Variants in EYS observed in about 807,000 individuals in gnomAD.
EYS encodes protein eyes shut homolog.
Under a neutral mutation model 282.1 loss-of-function variants are expected in EYS, and 250 were observed. The observed-to-expected ratio is 0.89, with a 90% confidence interval of 0.80 to 0.98. EYS has a LOEUF of 0.98. Ranked by LOEUF, EYS falls within the 50% of genes least tolerant of loss-of-function variation. EYS has a pLI of 0.00. For synonymous variants in EYS, 1,355 were observed against 1,282.9 expected (o/e 1.06, Z -1.20); for missense variants, 4,016 against 3,709.0 (o/e 1.08, Z -2.15).
chr6:65,183,076 G>T (rs961646982), intron 12 of EYS, among the ~76,000 whole-genome samples: 3 of 151,822 alleles, frequency 2.0e-5, no homozygotes, highest in African/African-American at 7.3e-5. Flanking sequence ...CAAGCAAGTG[G>T]CACTGTGCCC....
chr6:64,069,104 C>A (rs544551210), intron 32 of EYS, among the ~76,000 whole-genome samples: 2 of 151,970 alleles, frequency 1.3e-5, no homozygotes, highest in African/African-American at 2.4e-5. Flanking sequence ...GGAATGGATT[C>A]TCTGAAGCTT....
At chr6:65,041,103 C>G (rs552046102) in intron 13 of EYS, among the ~76,000 whole-genome samples, 1 of 151,616 alleles carries the variant, frequency 6.6e-6, no homozygotes, top group African/African-American at 2.4e-5. Context: ...AAATTTAAGA[C>G]GAGTTATCTG....
intron 12 of EYS, among the ~76,000 whole-genome samples, chr6:65,256,417 G>A (rs1372017445): frequency 2.8e-5 from 3 of 108,078 alleles, no homozygotes; most frequent in East Asian, 3.2e-4. Flanking sequence ...TATCCCTCCC[G>A]CCTCCCCCCT....
intron 26 of EYS, among the ~76,000 whole-genome samples, chr6:64,506,396 A>G (rs1777206211): frequency 6.6e-6 from 1 of 152,256 alleles, no homozygotes. Context: ...TAGCTTAATG[A>G]TAACACTGAG....
intron 22 of EYS, among the ~76,000 whole-genome samples, chr6:64,645,790 C>G (rs1768330882): frequency 6.6e-6 from 1 of 151,972 alleles, no homozygotes; most frequent in Non-Finnish European, 1.5e-5. Flanking sequence ...TTTTAGTTCT[C>G]TTTTATTGCT....
At chr6:64,051,612 A>G (rs1770812735) in intron 33 of EYS, among the ~76,000 whole-genome samples, 1 of 152,130 alleles carries the variant, frequency 6.6e-6, no homozygotes, top group Admixed American at 6.6e-5. Flanking sequence ...TTTTAAAATT[A>G]AGATTCTGTG....
intron 31 of EYS, among the ~76,000 whole-genome samples, chr6:64,225,567 C>T (rs1766229439): frequency 6.6e-6 from 1 of 151,804 alleles, no homozygotes. Flanking sequence ...GGATCATGAG[C>T]CAAAAGATGC....
chr6:65,302,346 C>T (rs1482410485), intron 11 of EYS, among the ~76,000 whole-genome samples: 1 of 152,206 alleles, frequency 6.6e-6, no homozygotes, highest in Admixed American at 6.5e-5. Flanking sequence ...AGTGAAGACA[C>T]AGACGTTCCT....
chr6:63,941,749 CCCCTTACCTATACAGCTGCTAAGCT>C (rs1289593867), intron 35 of EYS, among the ~76,000 whole-genome samples: 35 of 152,236 alleles, frequency 2.3e-4, no homozygotes, highest in Admixed American at 6.5e-4. Context: ...GATCGGGACT[CCCCTTACCTATACAGCTGCTAAGCT>C]CCCTTACCTA....
intron 2 of EYS, among the ~76,000 whole-genome samples, chr6:65,609,422 T>C (rs1765916607): frequency 6.6e-6 from 1 of 152,004 alleles, no homozygotes; most frequent in African/African-American, 2.4e-5. Context: ...AAATAGAGAA[T>C]GTACCCTTGT....
intron 21 of EYS, among the ~76,000 whole-genome samples, chr6:64,817,521 T>C (rs897965305): frequency 2.0e-5 from 3 of 152,184 alleles, no homozygotes; most frequent in Non-Finnish European, 2.9e-5. Context: ...AGGGGATACA[T>C]GTGCAGCCTT....
intron 2 of EYS, among the ~76,000 whole-genome samples, chr6:65,552,497 AT>A (rs953672997): frequency 4.6e-5 from 7 of 151,650 alleles, no homozygotes; most frequent in South Asian, 2.1e-4. Flanking sequence ...TTAAACTGCA[AT>A]TTTTTTTTCA....
chr6:65,229,601 G>A (rs1402900760), intron 12 of EYS, among the ~76,000 whole-genome samples: 1 of 151,928 alleles, frequency 6.6e-6, no homozygotes, highest in Non-Finnish European at 1.5e-5. Flanking sequence ...GAAGACAAGA[G>A]TGCAGATGGG....
intron 31 of EYS, among the ~76,000 whole-genome samples, chr6:64,186,578 A>G (rs544841983): frequency 2.6e-5 from 4 of 152,210 alleles, no homozygotes; most frequent in South Asian, 4.1e-4. Context: ...AAAGAATATC[A>G]CCAGGACTAA....
intron 35 of EYS, among the ~76,000 whole-genome samples, chr6:63,890,823 C>T (rs866824695): frequency 1.8e-4 from 28 of 151,720 alleles, no homozygotes; most frequent in African/African-American, 6.5e-4. Flanking sequence ...TTTTTGAAAA[C>T]ATTAACAAAA....
chr6:63,765,020 C>A (rs1297766225), intron 40 of EYS, among the ~76,000 whole-genome samples: 2 of 151,392 alleles, frequency 1.3e-5, no homozygotes, highest in African/African-American at 4.9e-5. Context: ...TATTTCTTCC[C>A]TTAACCACAT....
At chr6:64,761,848 C>A (rs1773170845) in intron 22 of EYS, among the ~76,000 whole-genome samples, 1 of 152,088 alleles carries the variant, frequency 6.6e-6, no homozygotes, top group Non-Finnish European at 1.5e-5. Flanking sequence ...ATCACTTTCC[C>A]CATGTATAAT....
At chr6:64,133,819 A>G (rs1175558901) in intron 31 of EYS, among the ~76,000 whole-genome samples, 2 of 149,734 alleles carry the variant, frequency 1.3e-5, no homozygotes, top group African/African-American at 2.5e-5. Context: ...GGGTTTCCCT[A>G]TTTTCCTGGA....
At chr6:64,082,650 G>A (rs1180923699) in intron 31 of EYS, among the ~76,000 whole-genome samples, 2 of 152,110 alleles carry the variant, frequency 1.3e-5, no homozygotes, top group Admixed American at 6.5e-5. Context: ...TTAATATTTA[G>A]TGCTTTTCAA....
Sources: gnomAD v4.1 joint callset for allele counts (sites outside exome capture counted in the v4.1 genomes callset) on GRCh38, gnomAD v4.1.1 for gene constraint, MANE v1.5 for transcripts, NCBI Gene and HGNC (gene_info 2026-07-23, HGNC 2026-07-21) for gene names.